Variants in TENM3 observed in about 807,000 individuals in gnomAD.
TENM3 encodes teneurin-3.
In TENM3, 63 loss-of-function variants were observed where a neutral mutation model predicts 255.1. The ratio of observed to expected loss-of-function variants is 0.25; its 90% CI spans 0.20 to 0.30. The LOEUF is 0.30. Ranked by LOEUF, TENM3 falls within the 10% of genes least tolerant of loss-of-function variation. The pLI is 1.00. For missense variants in TENM3, 2,929 were observed against 3,461.1 expected, an observed-to-expected ratio of 0.85 and a Z score of 3.86; for synonymous variants, 1,306 against 1,322.3, an observed-to-expected ratio of 0.99 and a Z score of 0.27.
intron 4 of TENM3, among the ~76,000 whole-genome samples, chr4:182,601,750 A>G (rs898251507): frequency 2.6e-5 from 4 of 152,320 alleles, no homozygotes; most frequent in East Asian, 1.9e-4. Context: ...ACACAGTTCT[A>G]TTAGGAAGTT....
At chr4:181,566,212 A>G in the TENM3 span, among the ~76,000 whole-genome samples, 2 of 152,206 alleles carry the variant, frequency 1.3e-5, no homozygotes, top group Non-Finnish European at 2.9e-5. Flanking sequence ...ACTAAGCAAT[A>G]TCTCCCTGAA....
chr4:182,549,674 G>A (rs1741814872), intron 3 of TENM3, among the ~76,000 whole-genome samples: 1 of 152,150 alleles, frequency 6.6e-6, no homozygotes, highest in Admixed American at 6.5e-5. Context: ...CCACCTTTGA[G>A]ATCCTTTCAG....
At chr4:182,724,193 A>G (rs1203554730) in intron 13 of TENM3, among the ~76,000 whole-genome samples, 1 of 152,202 alleles carries the variant, frequency 6.6e-6, no homozygotes, top group Non-Finnish European at 1.5e-5. Context: ...ATGCTATTAG[A>G]CATGGCTTCT....
chr4:182,651,439 C>G (rs1753278628), intron 5 of TENM3, among the ~76,000 whole-genome samples: 1 of 152,114 alleles, frequency 6.6e-6, no homozygotes, highest in Admixed American at 6.5e-5. Context: ...GCCTGTAATC[C>G]TAGCACTTTG....
chr4:182,538,853 G>C (rs1481421252), intron 3 of TENM3, among the ~76,000 whole-genome samples: 1 of 151,962 alleles, frequency 6.6e-6, no homozygotes, highest in South Asian at 2.1e-4. Flanking sequence ...TTTCTGAAAG[G>C]GGGTATGCTA....
At chr4:181,729,448 A>T in the TENM3 span, among the ~76,000 whole-genome samples, 1 of 152,034 alleles carries the variant, frequency 6.6e-6, no homozygotes, top group Non-Finnish European at 1.5e-5. Context: ...GGGTCACAGG[A>T]ACTAATGAGA....
the TENM3 span, among the ~76,000 whole-genome samples, chr4:181,538,901 A>T: frequency 6.6e-6 from 1 of 152,218 alleles, no homozygotes; most frequent in African/African-American, 2.4e-5. Context: ...CAATTGGTTT[A>T]GTTGTTTAAT....
At chr4:181,636,358 G>A in the TENM3 span, among the ~76,000 whole-genome samples, 1 of 152,072 alleles carries the variant, frequency 6.6e-6, no homozygotes, top group African/African-American at 2.4e-5. Context: ...TTGCTCTTCA[G>A]GCCTTCAGCT....
chr4:181,918,706 A>T, the TENM3 span, among the ~76,000 whole-genome samples: 1 of 150,850 alleles, frequency 6.6e-6, no homozygotes, highest in Non-Finnish European at 1.5e-5. Flanking sequence ...CTTCTCCTTT[A>T]AAAAAAAAGA....
At chr4:181,783,508 G>A in the TENM3 span, among the ~76,000 whole-genome samples, 1 of 151,844 alleles carries the variant, frequency 6.6e-6, no homozygotes, top group Non-Finnish European at 1.5e-5. Flanking sequence ...TTCTTTTCAA[G>A]GCTATTAGCA....
chr4:182,139,362 A>C (rs1270469379), upstream of TENM3, among the ~76,000 whole-genome samples: 1 of 152,166 alleles, frequency 6.6e-6, no homozygotes, highest in Admixed American at 6.5e-5. Flanking sequence ...AAGATGTTCA[A>C]TTTGTCTGAT....
At chr4:181,574,165 A>G in the TENM3 span, among the ~76,000 whole-genome samples, 1 of 152,212 alleles carries the variant, frequency 6.6e-6, no homozygotes, top group South Asian at 2.1e-4. Context: ...AAATCCTTTC[A>G]GGAGTTCCTA....
chr4:182,449,086 G>T (rs1304329927), intron 3 of TENM3: 1 of 231,750 alleles, frequency 4.3e-6, no homozygotes. Context: ...GCGGCAAGGT[G>T]GGTGAGCGGC....
the TENM3 span, chr4:181,834,921 A>G: frequency 6.6e-6 from 1 of 152,238 alleles, no homozygotes. Context: ...TTATCTAAAC[A>G]GAAATCAACA....
chr4:181,893,833 T>C, the TENM3 span, among the ~76,000 whole-genome samples: 1 of 152,124 alleles, frequency 6.6e-6, no homozygotes, highest in African/African-American at 2.4e-5. Flanking sequence ...TCCCGATATT[T>C]TACCAAAGCC....
At chr4:181,944,282 G>GT in the TENM3 span, among the ~76,000 whole-genome samples, 1 of 152,102 alleles carries the variant, frequency 6.6e-6, no homozygotes, top group Non-Finnish European at 1.5e-5. Flanking sequence ...TCTTGGGGGG[G>GT]TCCCAAGTCC....
chr4:181,887,401 C>T, the TENM3 span, among the ~76,000 whole-genome samples: 4 of 152,192 alleles, frequency 2.6e-5, no homozygotes, highest in Non-Finnish European at 4.4e-5. Context: ...TTTCCAATTT[C>T]TCTTTATTAG....
the TENM3 span, among the ~76,000 whole-genome samples, chr4:181,927,825 G>T: frequency 1.3e-5 from 2 of 152,194 alleles, no homozygotes; most frequent in Non-Finnish European, 2.9e-5. Flanking sequence ...TCCAGAGGAA[G>T]AAACAGACAG....
At chr4:181,735,322 A>G in the TENM3 span, among the ~76,000 whole-genome samples, 1 of 152,152 alleles carries the variant, frequency 6.6e-6, no homozygotes, top group Non-Finnish European at 1.5e-5. Flanking sequence ...CCATAGAAAC[A>G]AATATTAGTT....
Sources: allele counts gnomAD v4.1 joint callset (sites outside exome capture counted in the v4.1 genomes callset), GRCh38; gene constraint gnomAD v4.1.1; transcripts MANE v1.5; gene names NCBI Gene and HGNC (gene_info 2026-07-23, HGNC 2026-07-21).